The following CFAP299 variants were observed in gnomAD, a reference collection of about 807,000 sequenced individuals.
CFAP299 encodes cilia and flagella associated protein 299, also known as cilia- and flagella-associated protein 299.
In CFAP299, 21 loss-of-function variants were observed where a neutral mutation model predicts 27.0. The observed-to-expected ratio is 0.78, with a 90% CI of 0.55 to 1.12. The LOEUF (loss-of-function observed/expected upper bound fraction) is 1.12, where lower values mean the gene tolerates loss of function less well. Ranked by LOEUF, CFAP299 falls within the 50% of genes most tolerant of loss-of-function variation. The pLI, the probability that CFAP299 is intolerant of heterozygous loss-of-function variation, is 0.00. For missense variants in CFAP299, 310 were observed against 276.6 expected (o/e 1.12, Z -0.86); for synonymous variants, 104 against 98.1 (o/e 1.06, Z -0.36).
chr4:80,764,379 A>G (rs1310773605), intron 3 of CFAP299, among the ~76,000 whole-genome samples: 2 of 152,246 alleles, frequency 1.3e-5, no homozygotes, highest in Admixed American at 6.5e-5. Context: ...AGAAATGCAA[A>G]TCAAAACCAC....
chr4:80,902,976 A>C (rs1248674294), intron 4 of CFAP299, among the ~76,000 whole-genome samples: 1 of 152,120 alleles, frequency 6.6e-6, no homozygotes, highest in Non-Finnish European at 1.5e-5. Context: ...ATTTTAGTAT[A>C]ATTTCTTATA....
chr4:80,443,400 C>T (rs758191164), intron 2 of CFAP299, among the ~76,000 whole-genome samples: 10 of 152,174 alleles, frequency 6.6e-5, no homozygotes, highest in Admixed American at 1.3e-4. Flanking sequence ...AAACGTAATC[C>T]ATCACATAAA....
At chr4:80,860,401 C>T (rs1337327874) in intron 3 of CFAP299, among the ~76,000 whole-genome samples, 2 of 152,200 alleles carry the variant, frequency 1.3e-5, no homozygotes, top group East Asian at 1.9e-4. Flanking sequence ...GCCTTCTTCT[C>T]TCAACTCGTC....
intron 1 of CFAP299, among the ~76,000 whole-genome samples, chr4:80,339,107 C>T (rs145413053): frequency 0.011 from 1,735 of 152,222 alleles, 36 homozygotes; most frequent in South Asian, 0.088. Flanking sequence ...AAGCAGCTAC[C>T]TTCCTTAGGT....
At chr4:80,369,493 C>T (rs1379017338) in intron 2 of CFAP299, among the ~76,000 whole-genome samples, 1 of 152,232 alleles carries the variant, frequency 6.6e-6, no homozygotes, top group Non-Finnish European at 1.5e-5. Context: ...CTACTCTACT[C>T]AGGCCCATGT....
At chr4:80,673,049 T>C (rs1029874407) in intron 3 of CFAP299, among the ~76,000 whole-genome samples, 5 of 152,176 alleles carry the variant, frequency 3.3e-5, no homozygotes, top group Non-Finnish European at 7.3e-5. Context: ...TGCCTTCTGC[T>C]AGCTTTTGAA....
At chr4:80,327,703 T>TATATATAACTTCAATAC in the CFAP299 span, among the ~76,000 whole-genome samples, 1 of 133,182 alleles carries the variant, frequency 7.5e-6, no homozygotes, top group African/African-American at 3.1e-5. Context: ...TATATATATA[T>TATATATAACTTCAATAC]ATATATATAT....
intron 1 of CFAP299, among the ~76,000 whole-genome samples, chr4:80,338,188 G>A (rs1052569313): frequency 6.6e-6 from 1 of 152,066 alleles, no homozygotes; most frequent in African/African-American, 2.4e-5. Flanking sequence ...TAACAAAATT[G>A]TCGATATTTA....
intron 5 of CFAP299, among the ~76,000 whole-genome samples, chr4:80,950,598 G>A (rs1359990727): frequency 6.6e-6 from 1 of 152,108 alleles, no homozygotes; most frequent in African/African-American, 2.4e-5. Flanking sequence ...CATGCACAAA[G>A]GCATGGGAGC....
At chr4:80,647,201 G>T (rs544733740) in intron 3 of CFAP299, among the ~76,000 whole-genome samples, 2 of 152,152 alleles carry the variant, frequency 1.3e-5, no homozygotes, top group East Asian at 3.9e-4. Flanking sequence ...TATACTCCCA[G>T]AACCTAGCAC....
chr4:80,384,549 T>G (rs1463283547), intron 2 of CFAP299, among the ~76,000 whole-genome samples: 1 of 152,248 alleles, frequency 6.6e-6, no homozygotes, highest in East Asian at 1.9e-4. Context: ...TGGGGTAAGC[T>G]AGAAAGACAT....
intron 3 of CFAP299, among the ~76,000 whole-genome samples, chr4:80,845,734 G>A (rs1188385777): frequency 1.3e-5 from 2 of 152,012 alleles, no homozygotes; most frequent in Non-Finnish European, 2.9e-5. Flanking sequence ...TGTTTTCACA[G>A]CACAGTATCT....
At chr4:80,390,391 T>C (rs1012647254) in intron 2 of CFAP299, among the ~76,000 whole-genome samples, 1 of 151,712 alleles carries the variant, frequency 6.6e-6, no homozygotes, top group Non-Finnish European at 1.5e-5. Context: ...GTGCCTGGCT[T>C]ATTTCACTTG....
rs932712160 is a variant in CFAP299 at position 80,377,878 on chromosome 4, A to G, written c.242+14994A>G. Among the ~76,000 whole-genome samples, 4 of 152,178 alleles carry G rather than the reference A, an allele frequency of 2.6e-5. No homozygotes were observed. In the East Asian group the frequency reaches 7.7e-4, roughly 29 times the overall value. The stretch of plus-strand genomic sequence containing the variant: ...TTTCACATGGCTGGGGAGGCCTCTG[A>G]ATTATGGTGGGAGGTGAAACGCACT... On this transcript the variant is annotated intron_variant, in intron 2 of 5. Transcript: ENST00000358105.
chr4:80,326,122 C>T, the CFAP299 span, among the ~76,000 whole-genome samples: 2 of 152,082 alleles, frequency 1.3e-5, no homozygotes, highest in African/African-American at 4.8e-5. Flanking sequence ...TAATTAATTC[C>T]ATAATCTAGT....
chr4:80,940,914 T>C (rs1232040878), intron 4 of CFAP299, among the ~76,000 whole-genome samples: 2 of 152,166 alleles, frequency 1.3e-5, no homozygotes, highest in African/African-American at 4.8e-5. Flanking sequence ...TGAGATGATA[T>C]AGTTCTGTAA....
chr4:80,372,758 G>A (rs561125143), intron 2 of CFAP299, among the ~76,000 whole-genome samples: 1 of 152,240 alleles, frequency 6.6e-6, no homozygotes, highest in Admixed American at 6.5e-5. Context: ...GAAGTTCTGT[G>A]GGATGCCCAA....
chr4:80,845,937 A>C (rs1254455253), intron 3 of CFAP299, among the ~76,000 whole-genome samples: 1 of 152,084 alleles, frequency 6.6e-6, no homozygotes, highest in East Asian at 1.9e-4. Flanking sequence ...GCTTATTTTG[A>C]GGTTAAATAT....
chr4:80,762,826 G>C (rs1725613369), intron 3 of CFAP299, among the ~76,000 whole-genome samples: 1 of 152,104 alleles, frequency 6.6e-6, no homozygotes, highest in Admixed American at 6.5e-5. Flanking sequence ...GGGTAAAAAA[G>C]TCCTGACTTT....
Sources: allele counts gnomAD v4.1 joint callset (sites outside exome capture counted in the v4.1 genomes callset), GRCh38; gene constraint gnomAD v4.1.1; transcripts MANE v1.5; gene names NCBI Gene and HGNC (gene_info 2026-07-23, HGNC 2026-07-21).